The following CDYL2 variants were observed in gnomAD, a reference collection of about 807,000 sequenced individuals.
CDYL2 encodes chromodomain Y-like protein 2.
In CDYL2, 23 loss-of-function variants were observed where a neutral mutation model predicts 49.4. The observed-to-expected ratio is 0.47, with a 90% CI of 0.34 to 0.66. The LOEUF is 0.66. Ranked by LOEUF, CDYL2 falls within the 30% of genes least tolerant of loss-of-function variation. The pLI is 0.01. For missense variants in CDYL2, 678 were observed against 656.4 expected (o/e 1.03, Z -0.36); for synonymous variants, 360 against 268.8 (o/e 1.34, Z -3.32).
At chr16:80,757,542 A>G (rs1404952540) in intron 1 of CDYL2, among the ~76,000 whole-genome samples, 1 of 123,550 alleles carries the variant, frequency 8.1e-6, no homozygotes, top group Non-Finnish European at 1.6e-5. Context: ...CTGTCTCAAA[A>G]AAAAAAAAAA....
chr16:80,744,500 A>G (rs1034875745), intron 1 of CDYL2, among the ~76,000 whole-genome samples: 29 of 150,574 alleles, frequency 1.9e-4, no homozygotes, highest in Non-Finnish European at 3.7e-4. Context: ...GGAAAAAAAG[A>G]AATTAGCATG....
chr16:80,612,361 C>T lies in CDYL2; in HGVS notation c.1218+265G>A, dbSNP rs1244122063. On this transcript the variant is annotated intron_variant, in intron 5 of 6. Transcript: ENST00000570137. The surrounding 1 kb of genome is among the most constrained non-coding windows in gnomAD (Gnocchi z 5.0). ...TGGGCTGCTTGTCACAGCACCCAGC[C>T]AATCCTAAGACACGCCTTCAGGGGG... Among the ~76,000 whole-genome samples the T allele has an allele frequency of 1.3e-5, 2 of 152,176 alleles. No homozygotes were observed. Among genetic ancestry groups the T allele is most frequent in the Non-Finnish European group, 2.9e-5 (2 of 68,036 alleles).
intron 1 of CDYL2, among the ~76,000 whole-genome samples, chr16:80,784,644 G>C (rs1257825272): frequency 2.0e-5 from 3 of 152,176 alleles, no homozygotes; most frequent in African/African-American, 7.2e-5. Context: ...GTAGCCCAGA[G>C]CTTTCTGGAA....
At chr16:80,701,770 T>C (rs1292101906) in intron 1 of CDYL2, among the ~76,000 whole-genome samples, 2 of 152,204 alleles carry the variant, frequency 1.3e-5, no homozygotes, top group East Asian at 3.9e-4. Context: ...TCCCAATGAG[T>C]TCATTTTCAG....
chr16:80,677,715 G>A (rs909952422), intron 2 of CDYL2, among the ~76,000 whole-genome samples: 1 of 151,670 alleles, frequency 6.6e-6, no homozygotes, highest in African/African-American at 2.4e-5. Context: ...CTCCAGCCTG[G>A]GCGACAGAGC....
Position 80,598,297 on chromosome 16 carries a change from T to A in CDYL2, c.*6091A>T, listed in dbSNP as rs1313458555. 2.0e-5 allele frequency: 3 copies of A among 152,114 alleles called. No homozygotes were observed. The highest frequency in any genetic ancestry group is 7.2e-5 in the African/African-American group (3 of 41,438). 9.4% of individuals were successfully genotyped at this position (152,114 alleles called of 1,614,324 possible). A position where few individuals can be genotyped will look rare whatever the true frequency, so the allele number is the denominator to read the frequency against. On this transcript the variant is annotated 3_prime_UTR_variant, in exon 7 of 7. Coordinates refer to ENST00000570137, the MANE Select transcript of CDYL2 (RefSeq NM_152342.4). ...ATTTTGGTGTATGCTACATCCATGA[T>A]CAAATCCAAACACTCCTAGGGTGGG...
chr16:80,651,167 A>G (rs1411235142), intron 2 of CDYL2, among the ~76,000 whole-genome samples: 1 of 152,214 alleles, frequency 6.6e-6, no homozygotes, highest in Non-Finnish European at 1.5e-5. Context: ...CCCATTTTCT[A>G]TGATGTGATT....
chr16:80,604,569 G>C (rs771565391), intron 6 of CDYL2, 23 bp from the exon 7 acceptor site: 6 of 1,613,560 alleles, frequency 3.7e-6, no homozygotes, highest in Non-Finnish European at 5.1e-6. Flanking sequence ...AGACAGGCCT[G>C]ATTAGCCGGG....
intron 2 of CDYL2, among the ~76,000 whole-genome samples, chr16:80,653,282 A>C (rs1011163973): frequency 2.6e-5 from 4 of 152,216 alleles, no homozygotes; most frequent in Non-Finnish European, 5.9e-5. Context: ...CCTGATCAAC[A>C]TGGAGATATT....
chr16:80,608,595 C>G (rs1728676711), intron 5 of CDYL2, among the ~76,000 whole-genome samples: 1 of 152,140 alleles, frequency 6.6e-6, no homozygotes, highest in Non-Finnish European at 1.5e-5. Flanking sequence ...GAAATGCACA[C>G]AGCCCACAAC....
At chr16:80,647,007 G>C (rs754881277) in intron 2 of CDYL2, among the ~76,000 whole-genome samples, 4 of 151,674 alleles carry the variant, frequency 2.6e-5, no homozygotes, top group Middle Eastern at 3.4e-3. Context: ...ATAAGATAAA[G>C]AGGGTCATTA....
intron 1 of CDYL2, among the ~76,000 whole-genome samples, chr16:80,801,588 T>C (rs1352973186): frequency 6.6e-6 from 1 of 152,260 alleles, no homozygotes; most frequent in Non-Finnish European, 1.5e-5. Flanking sequence ...AAACGTGGTT[T>C]CTTGAGTAGA....
chr16:80,762,975 GAAAC>G (rs1906583939), intron 1 of CDYL2, among the ~76,000 whole-genome samples: 1 of 152,146 alleles, frequency 6.6e-6, no homozygotes, highest in Admixed American at 6.5e-5. Context: ...TCTTTAAAGA[GAAAC>G]ACACCATAAA....
intron 1 of CDYL2, among the ~76,000 whole-genome samples, chr16:80,755,691 A>G (rs1422519762): frequency 2.0e-5 from 3 of 152,254 alleles, no homozygotes; most frequent in African/African-American, 7.2e-5. Flanking sequence ...AGAAATCACA[A>G]AGAACATCTG....
chr16:80,739,546 G>A (rs971107618), intron 1 of CDYL2, among the ~76,000 whole-genome samples: 8 of 152,152 alleles, frequency 5.3e-5, no homozygotes, highest in African/African-American at 1.7e-4. Flanking sequence ...AAGCCCCAGC[G>A]GGGCAGATTC....
chr16:80,621,548 A>G (rs941562529), intron 3 of CDYL2, among the ~76,000 whole-genome samples: 2 of 152,176 alleles, frequency 1.3e-5, no homozygotes, highest in Non-Finnish European at 2.9e-5. Context: ...TTCATCCTCA[A>G]TGTCCCCATC....
intron 2 of CDYL2, among the ~76,000 whole-genome samples, chr16:80,647,716 C>A (rs757235189): frequency 2.6e-5 from 4 of 152,132 alleles, no homozygotes; most frequent in African/African-American, 4.8e-5. Flanking sequence ...ACATTTAATC[C>A]AATGGCTGCA....
chr16:80,654,725 C>T (rs1567557581), intron 2 of CDYL2, among the ~76,000 whole-genome samples: 2 of 152,226 alleles, frequency 1.3e-5, no homozygotes, highest in African/African-American at 4.8e-5. Flanking sequence ...ATCAGAGCTG[C>T]CCGGCATGGA....
At chr16:80,753,921 T>G (rs1397440744) in intron 1 of CDYL2, among the ~76,000 whole-genome samples, 1 of 152,214 alleles carries the variant, frequency 6.6e-6, no homozygotes, top group South Asian at 2.1e-4. Context: ...TAATCCACTT[T>G]GTCAAAAGCC....
Sources: allele counts gnomAD v4.1 joint callset (sites outside exome capture counted in the v4.1 genomes callset), GRCh38; gene constraint gnomAD v4.1.1; non-coding constraint Gnocchi (gnomAD v3.1); transcripts MANE v1.5; gene names NCBI Gene and HGNC (gene_info 2026-07-23, HGNC 2026-07-21).